The following QRSL1 variants were observed in gnomAD, a reference collection of about 807,000 sequenced individuals.
The protein encoded by QRSL1 is glutaminyl-tRNA amidotransferase subunit QRSL1, also known as glutamyl-tRNA(Gln) amidotransferase subunit A, mitochondrial.
A neutral mutation model predicts 61.6 loss-of-function variants in QRSL1; 54 were observed. The observed-to-expected ratio is 0.88, with a 90% CI of 0.70 to 1.10. The LOEUF is 1.10. Ranked by LOEUF, QRSL1 falls within the 50% of genes least tolerant of loss-of-function variation. The probability of loss-of-function intolerance (pLI) is 0.00; values close to 1 mark genes in which losing one functional copy is unlikely to be tolerated. For missense variants in QRSL1, 505 were observed against 622.6 expected (o/e 0.81, Z 2.01); for synonymous variants, 228 against 225.7 (o/e 1.01, Z -0.09).
Position 106,652,498 on chromosome 6 carries a change from T to C in QRSL1, c.765T>C (p.Ser255=). 6.2e-7 allele frequency: 1 copy of C among 1,614,266 alleles called. No homozygotes were observed. Among genetic ancestry groups the C allele is most frequent in the Non-Finnish European group, 8.5e-7 (1 of 1,180,052 alleles). Residue 255 remains serine (S), a synonymous_variant, in exon 7 of 11, where the codon TCT becomes TCC. Transcript: ENST00000369046. The part of the protein sequence containing the change: ...GALAGPDPRD[S]TTVHEPINKP... Reference sequence around the variant, plus strand: ...TGGCCGGACCTGACCCCAGGGACTCTACCACAGTACATGAACCTATTAATA... The same window carrying C: ...TGGCCGGACCTGACCCCAGGGACTCCACCACAGTACATGAACCTATTAATA...
intron 7 of QRSL1, among the ~76,000 whole-genome samples, chr6:106,654,241 T>G (rs545312021): frequency 2.8e-4 from 43 of 151,870 alleles, no homozygotes; most frequent in Non-Finnish European, 5.6e-4. Flanking sequence ...TCCCAGCTAC[T>G]CGGAAGGCTA....
chr6:106,636,829 C>T (rs1167405976), intron 1 of QRSL1, among the ~76,000 whole-genome samples: 1 of 152,118 alleles, frequency 6.6e-6, no homozygotes, highest in Non-Finnish European at 1.5e-5. Context: ...TTGCATTTTT[C>T]CCTTCCTTTA....
At chr6:106,664,110 A>G (rs952142729) in intron 10 of QRSL1, among the ~76,000 whole-genome samples, 6 of 152,268 alleles carry the variant, frequency 3.9e-5, no homozygotes, top group African/African-American at 1.4e-4. Context: ...ACATGATTGA[A>G]GAATAATTTA....
In QRSL1 at chr6:106,639,119, G is replaced by GTTTTTTTTTTTTTTTT. The variant is rs1177849683; in HGVS notation, c.25-1218_25-1203dup. Among the ~76,000 whole-genome samples, 12 of 122,806 alleles carry GTTTTTTTTTTTTTTTT rather than the reference G, an allele frequency of 9.8e-5. 2 individuals carry two copies. The highest frequency in any genetic ancestry group is 3.0e-4 in the African/African-American group (9 of 30,126). The allele number at this position is 122,806 out of a possible 152,430, so 80.6% of individuals were successfully genotyped here. A position where few individuals can be genotyped will look rare whatever the true frequency, so the allele number is the denominator to read the frequency against. ...TGTGTGGTTATTTGTGTGTTTTGTT[G>GTTTTTTTTTTTTTTTT]TTTTTTTTTTTTTTTTTTTTTTTTT... On this transcript the variant is annotated intron_variant, in intron 1 of 10. Transcript: ENST00000369046.
chr6:106,657,340 G>GT (rs775056018), intron 9 of QRSL1, among the ~76,000 whole-genome samples: 2 of 152,016 alleles, frequency 1.3e-5, no homozygotes, highest in Non-Finnish European at 2.9e-5. Flanking sequence ...CCAGATGCTT[G>GT]TAATGACTTT....
intron 8 of QRSL1, among the ~76,000 whole-genome samples, chr6:106,655,170 T>C (rs1415057772): frequency 6.6e-6 from 1 of 152,188 alleles, no homozygotes; most frequent in Non-Finnish European, 1.5e-5. Context: ...TGTCATATGC[T>C]CAGTCCCGCT....
At chr6:106,649,853 A>C (rs1321948380) in intron 5 of QRSL1, among the ~76,000 whole-genome samples, 1 of 152,178 alleles carries the variant, frequency 6.6e-6, no homozygotes, top group Non-Finnish European at 1.5e-5. Context: ...AAGAAAGTAA[A>C]TATGGCTGTT....
At chr6:106,646,273 G>A (rs140693617) in intron 4 of QRSL1, among the ~76,000 whole-genome samples, 2 of 152,256 alleles carry the variant, frequency 1.3e-5, no homozygotes, top group African/African-American at 4.8e-5. Flanking sequence ...CACCAGTGAG[G>A]GTGAAGTGGA....
rs1562160823 is a variant in QRSL1 at position 106,629,584 on chromosome 6, A to G, written c.-98A>G. The G allele has an allele frequency of 4.1e-6, 6 of 1,450,290 alleles. No individual in the cohort carries two copies. The highest frequency in any genetic ancestry group is 5.6e-6 in the Non-Finnish European group (6 of 1,064,078). 89.8% of individuals were successfully genotyped at this position (1,450,290 alleles called of 1,614,324 possible). ...ACTCGGTGTTGAAGGGCTCAGTGACAATTAAAGATGGCTGCGCCCATGTAA... is the reference window on the plus strand; with the variant it reads ...ACTCGGTGTTGAAGGGCTCAGTGACGATTAAAGATGGCTGCGCCCATGTAA... On this transcript the variant is annotated 5_prime_UTR_variant, in exon 1 of 11. Coordinates refer to ENST00000369046, the MANE Select transcript of QRSL1 (RefSeq NM_018292.5).
chr6:106,637,421 A>G lies in QRSL1; in HGVS notation c.25-2928A>G, dbSNP rs1476961403. Among the ~76,000 whole-genome samples the G allele has an allele frequency of 2.0e-5, 3 of 152,218 alleles. No individual in the cohort carries two copies. The East Asian group carries it at 5.8e-4, about 29-fold the overall frequency. On this transcript the variant is annotated intron_variant, in intron 1 of 10. Transcript: ENST00000369046. The stretch of plus-strand genomic sequence containing the variant: ...CAAGGGAGAGGATAGGAGCAATAGT[A>G]ACAAAGATGACAGTGTGCTAGCCAG...
In QRSL1 at chr6:106,642,960, G is replaced by A. The variant is rs554963614; in HGVS notation, c.284-34G>A. On this transcript the variant is annotated intron_variant, in intron 3 of 10. Transcript: ENST00000369046. ...TAAACAAATAAAAGACTTCTGGACT[G>A]TAAAAAAAATAATAGTAACTAAATT... 241 of 1,420,846 alleles carry A rather than the reference G, an allele frequency of 1.7e-4. 3 individuals are homozygous for A. In the South Asian group the frequency reaches 2.8e-3, roughly 16 times the overall value. The allele number at this position is 1,420,846 out of a possible 1,614,324, so 88.0% of individuals were successfully genotyped here.
rs1777155830 is a variant in QRSL1, at chr6:106,649,076, T to C, written c.432T>C (p.Tyr144=). ...GACCAGTTAAAAACCCCTGGAGTTATTCAAAACAATATAGAGAAAAGAGGA... is the reference window on the plus strand; with the variant it reads ...GACCAGTTAAAAACCCCTGGAGTTACTCAAAACAATATAGAGAAAAGAGGA... ...VFGPVKNPWS[Y]SKQYREKRKQ... is the part of the protein sequence containing the mutation. The change falls in exon 5 of 11, where the codon TAT becomes TAC. Residue 144 remains tyrosine (Y), a synonymous_variant. Transcript: ENST00000369046. 2 of 1,614,100 alleles carry C rather than the reference T, an allele frequency of 1.2e-6. No individual in the cohort carries two copies. The highest frequency in any genetic ancestry group is 1.1e-5 in the South Asian group (1 of 91,082).
intron 9 of QRSL1, among the ~76,000 whole-genome samples, chr6:106,661,358 G>A (rs952298361): frequency 6.6e-5 from 10 of 151,998 alleles, no homozygotes; most frequent in Non-Finnish European, 1.3e-4. Flanking sequence ...CTTGTGATCC[G>A]ACGCCTCGGC....
chr6:106,630,554 G>A (rs531049450), intron 1 of QRSL1, among the ~76,000 whole-genome samples: 1 of 152,016 alleles, frequency 6.6e-6, no homozygotes, highest in Non-Finnish European at 1.5e-5. Flanking sequence ...CCTGGTTCAC[G>A]TCACTCAACC....
chr6:106,648,519 A>G (rs1777148654), intron 4 of QRSL1, among the ~76,000 whole-genome samples: 1 of 152,222 alleles, frequency 6.6e-6, no homozygotes, highest in South Asian at 2.1e-4. Context: ...GCACACAAGT[A>G]GTAAAGCAAA....
intron 1 of QRSL1, among the ~76,000 whole-genome samples, chr6:106,637,114 T>A (rs1776936264): frequency 6.6e-6 from 1 of 152,158 alleles, no homozygotes; most frequent in Non-Finnish European, 1.5e-5. Context: ...CTCGACCTCG[T>A]TGGTTTCTGG....
chr6:106,660,761 C>T (rs369982320), intron 9 of QRSL1, among the ~76,000 whole-genome samples: 7 of 152,136 alleles, frequency 4.6e-5, no homozygotes, highest in South Asian at 2.1e-4. Flanking sequence ...GAAGCCAGCA[C>T]CTGGTGAGGG....
intron 3 of QRSL1, 176 bp from the exon 4 acceptor site, chr6:106,642,818 T>C (rs1777043421): frequency 1.3e-6 from 1 of 751,004 alleles, no homozygotes; most frequent in Non-Finnish European, 2.5e-6. Flanking sequence ...GAAAGGTACC[T>C]GGGTTCAACT....
intron 4 of QRSL1, among the ~76,000 whole-genome samples, chr6:106,643,697 A>T (rs1013725592): frequency 6.6e-6 from 1 of 151,624 alleles, no homozygotes; most frequent in Non-Finnish European, 1.5e-5. Flanking sequence ...AAAAAAAAAG[A>T]ATTCTTTCAT....
Sources: allele counts gnomAD v4.1 joint callset (sites outside exome capture counted in the v4.1 genomes callset), GRCh38; gene constraint gnomAD v4.1.1; transcripts MANE v1.5; gene names NCBI Gene and HGNC (gene_info 2026-07-23, HGNC 2026-07-21).